KLF12: variants seen among roughly 807,000 people sequenced by gnomAD.
KLF12 encodes the protein KLF transcription factor 12.
Under a neutral mutation model 37.8 loss-of-function variants are expected in KLF12, and 9 were observed. The ratio of observed to expected loss-of-function variants is 0.24; its 90% CI spans 0.14 to 0.42. KLF12 has a LOEUF of 0.42. KLF12 is among the 10% of genes least tolerant of loss of function. The probability of loss-of-function intolerance (pLI) is 1.00; values close to 1 mark genes in which losing one functional copy is unlikely to be tolerated. For missense variants in KLF12, 411 were observed against 516.0 expected (o/e 0.80, Z 1.97); for synonymous variants, 208 against 202.1 (o/e 1.03, Z -0.25).
At chr13:74,302,190 A>G in the KLF12 span, among the ~76,000 whole-genome samples, 2 of 152,126 alleles carry the variant, frequency 1.3e-5, no homozygotes, top group Non-Finnish European at 2.9e-5. Flanking sequence ...CAAGTTCTAT[A>G]CCAACAATTA....
At chr13:74,005,737 A>G (rs1376764381) in intron 1 of KLF12, among the ~76,000 whole-genome samples, 2 of 152,230 alleles carry the variant, frequency 1.3e-5, no homozygotes, top group African/African-American at 2.4e-5. Flanking sequence ...GGCATGGCAC[A>G]TACTATTTGG....
chr13:74,018,412 C>A (rs188478087), intron 1 of KLF12, among the ~76,000 whole-genome samples: 2 of 152,256 alleles, frequency 1.3e-5, no homozygotes, highest in African/African-American at 4.8e-5. Flanking sequence ...TATTGATATA[C>A]TGTATTCTTG....
intron 5 of KLF12, among the ~76,000 whole-genome samples, chr13:73,784,751 C>T (rs984523737): frequency 4.6e-5 from 7 of 151,860 alleles, no homozygotes; most frequent in Admixed American, 2.6e-4. Flanking sequence ...CTGCCTCATC[C>T]TCCTGAGTAG....
At chr13:74,270,059 C>T in the KLF12 span, among the ~76,000 whole-genome samples, 1 of 152,152 alleles carries the variant, frequency 6.6e-6, no homozygotes, top group African/African-American at 2.4e-5. Context: ...CTACTAATTT[C>T]CTGAGCCTGG....
intron 1 of KLF12, among the ~76,000 whole-genome samples, chr13:74,021,585 C>A (rs763360382): frequency 2.8e-4 from 42 of 152,224 alleles, no homozygotes; most frequent in Non-Finnish European, 5.4e-4. Context: ...GCACACATCT[C>A]TTTACAACCC....
chr13:74,189,903 C>T, the KLF12 span, among the ~76,000 whole-genome samples: 54 of 151,886 alleles, frequency 3.6e-4, 1 homozygote, highest in African/African-American at 1.1e-3. Context: ...TTTAATGTTT[C>T]GACTAGTCGA....
At chr13:74,190,901 T>C in the KLF12 span, among the ~76,000 whole-genome samples, 1 of 152,224 alleles carries the variant, frequency 6.6e-6, no homozygotes, top group Non-Finnish European at 1.5e-5. Flanking sequence ...TTGTGACAAC[T>C]GTTTTCCACT....
chr13:74,109,163 T>C (rs1876836873), intron 1 of KLF12, among the ~76,000 whole-genome samples: 1 of 152,130 alleles, frequency 6.6e-6, no homozygotes. Context: ...CATCAACTAG[T>C]TTTTGAAGAT....
chr13:74,138,768 A>C (rs544041933), upstream of KLF12, among the ~76,000 whole-genome samples: 3 of 152,174 alleles, frequency 2.0e-5, no homozygotes, highest in South Asian at 6.2e-4. Flanking sequence ...TTTCCCTCAC[A>C]TGCACTAATT....
chr13:74,067,375 T>C (rs1873976811), intron 1 of KLF12, among the ~76,000 whole-genome samples: 2 of 152,178 alleles, frequency 1.3e-5, no homozygotes, highest in Non-Finnish European at 2.9e-5. Context: ...ATTACCAACT[T>C]AAGGAAGAGT....
chr13:73,868,337 G>GGT (rs1555317391), intron 3 of KLF12, among the ~76,000 whole-genome samples: 6 of 132,944 alleles, frequency 4.5e-5, no homozygotes, highest in Non-Finnish European at 8.0e-5. Context: ...TGGGGGGGGG[G>GGT]GGTGATTTCA....
At chr13:73,968,266 TAA>T (rs965109845) in intron 2 of KLF12, among the ~76,000 whole-genome samples, 1 of 152,200 alleles carries the variant, frequency 6.6e-6, no homozygotes, top group African/African-American at 2.4e-5. Flanking sequence ...GGAAGTAACA[TAA>T]AATAGAAATA....
intron 3 of KLF12, among the ~76,000 whole-genome samples, chr13:73,908,975 C>G (rs1458274911): frequency 6.6e-6 from 1 of 152,130 alleles, no homozygotes; most frequent in Non-Finnish European, 1.5e-5. Flanking sequence ...ACACGAGGTA[C>G]AGTTACGTAA....
At chr13:73,956,733 C>A (rs1179274753) in intron 2 of KLF12, among the ~76,000 whole-genome samples, 2 of 151,942 alleles carry the variant, frequency 1.3e-5, no homozygotes, top group Non-Finnish European at 2.9e-5. Context: ...CCAGCCCTGG[C>A]AACATAGCAA....
intron 1 of KLF12, among the ~76,000 whole-genome samples, chr13:74,067,879 A>C (rs540936872): frequency 6.6e-6 from 1 of 152,358 alleles, no homozygotes; most frequent in East Asian, 1.9e-4. Flanking sequence ...AAGCTCTTCT[A>C]GTTACCAAAA....
chr13:73,926,937 G>GAAA (rs71115622), intron 3 of KLF12, among the ~76,000 whole-genome samples: 1 of 140,332 alleles, frequency 7.1e-6, no homozygotes. Flanking sequence ...TGTCTCCTTT[G>GAAA]AAAAAAAAAA....
chr13:73,705,654 C>A (rs992726524), intron 7 of KLF12, among the ~76,000 whole-genome samples: 2 of 151,700 alleles, frequency 1.3e-5, no homozygotes, highest in Non-Finnish European at 2.9e-5. Context: ...TCCATTAAAA[C>A]CACAAATTTT....
intron 1 of KLF12, among the ~76,000 whole-genome samples, chr13:74,022,831 G>A (rs1185359539): frequency 6.6e-6 from 1 of 151,122 alleles, no homozygotes; most frequent in Admixed American, 6.6e-5. Context: ...CAGTACAGAA[G>A]AAGGTATTTT....
At chr13:73,893,642 A>G (rs1320034460) in intron 3 of KLF12, among the ~76,000 whole-genome samples, 1 of 152,152 alleles carries the variant, frequency 6.6e-6, no homozygotes, top group Non-Finnish European at 1.5e-5. Context: ...TTGACCTCCC[A>G]AAGTGCTGGG....
Sources: gnomAD v4.1 joint callset for allele counts (sites outside exome capture counted in the v4.1 genomes callset) on GRCh38, gnomAD v4.1.1 for gene constraint, MANE v1.5 for transcripts, NCBI Gene and HGNC (gene_info 2026-07-23, HGNC 2026-07-21) for gene names.